The following CDH12 variants were observed in gnomAD, a reference collection of about 807,000 sequenced individuals.
CDH12 encodes the protein cadherin-12.
CDH12 carries 41 observed loss-of-function variants against 74.1 expected under a neutral mutation model. The ratio of observed to expected loss-of-function variants is 0.55; its 90% CI spans 0.43 to 0.72. The LOEUF is 0.72. CDH12 is among the 30% of genes least tolerant of loss of function. CDH12 has a pLI of 0.00. For missense variants in CDH12, 945 were observed against 977.2 expected (o/e 0.97, Z 0.44); for synonymous variants, 399 against 355.0 (o/e 1.12, Z -1.39).
chr5:22,756,831 A>G (rs1414420538), intron 1 of CDH12, among the ~76,000 whole-genome samples: 2 of 151,992 alleles, frequency 1.3e-5, no homozygotes, highest in Non-Finnish European at 2.9e-5. Flanking sequence ...GTGGTGGCAG[A>G]TGCCTGTAAT....
intron 4 of CDH12, among the ~76,000 whole-genome samples, chr5:22,154,504 T>C (rs1366956055): frequency 4.8e-4 from 3 of 6,246 alleles, no homozygotes; most frequent in South Asian, 9.7e-3. Flanking sequence ...TATGTACACA[T>C]ATATATGTAC....
chr5:22,697,416 G>C (rs1306607669), intron 1 of CDH12, among the ~76,000 whole-genome samples: 2 of 151,696 alleles, frequency 1.3e-5, no homozygotes, highest in Non-Finnish European at 2.9e-5. Flanking sequence ...CTAAAAAATA[G>C]AAAAAATTAG....
chr5:22,023,267 T>C (rs1738107587), intron 5 of CDH12, among the ~76,000 whole-genome samples: 1 of 152,154 alleles, frequency 6.6e-6, no homozygotes, highest in Non-Finnish European at 1.5e-5. Context: ...CTCACACTAA[T>C]GAACTCTGCA....
intron 5 of CDH12, among the ~76,000 whole-genome samples, chr5:22,074,028 T>C (rs887952428): frequency 1.3e-5 from 2 of 152,176 alleles, no homozygotes. Context: ...GTTTACTTTA[T>C]GTGGATTTTC....
At chr5:22,830,725 T>A (rs1259866989) in intron 1 of CDH12, among the ~76,000 whole-genome samples, 1 of 151,736 alleles carries the variant, frequency 6.6e-6, no homozygotes, top group Non-Finnish European at 1.5e-5. Context: ...TAAAACATCA[T>A]CAAATTTGAT....
At chr5:22,352,679 T>TCTG (rs1561336747) in intron 3 of CDH12, among the ~76,000 whole-genome samples, 1 of 152,166 alleles carries the variant, frequency 6.6e-6, no homozygotes, top group Non-Finnish European at 1.5e-5. Flanking sequence ...CAGTTTGCCA[T>TCTG]CTGCTTCTCT....
chr5:22,282,702 C>T (rs1027371946), intron 3 of CDH12, among the ~76,000 whole-genome samples: 3 of 152,086 alleles, frequency 2.0e-5, no homozygotes, highest in African/African-American at 7.2e-5. Flanking sequence ...TACAGTCTCA[C>T]ACCAGTTAGA....
At chr5:22,676,988 C>T (rs1741225752) in intron 1 of CDH12, among the ~76,000 whole-genome samples, 1 of 152,098 alleles carries the variant, frequency 6.6e-6, no homozygotes, top group Non-Finnish European at 1.5e-5. Flanking sequence ...ATCAATATAT[C>T]TTAGTTTCTT....
chr5:22,458,175 G>A (rs561278259), intron 2 of CDH12, among the ~76,000 whole-genome samples: 166 of 152,188 alleles, frequency 1.1e-3, no homozygotes, highest in Non-Finnish European at 1.7e-3. Context: ...CCACCACGCC[G>A]GGGCTCCTTG....
intron 1 of CDH12, among the ~76,000 whole-genome samples, chr5:22,675,882 T>C (rs1741154393): frequency 6.9e-6 from 1 of 144,548 alleles, no homozygotes; most frequent in East Asian, 2.0e-4. Flanking sequence ...TATATATATA[T>C]ATATACTTTT....
chr5:22,172,091 A>G (rs1029617994), intron 4 of CDH12, among the ~76,000 whole-genome samples: 1 of 151,924 alleles, frequency 6.6e-6, no homozygotes, highest in African/African-American at 2.4e-5. Flanking sequence ...AATTACAGAA[A>G]TGCTATGTGA....
chr5:22,209,236 C>G (rs1751396215), intron 4 of CDH12, among the ~76,000 whole-genome samples: 1 of 152,114 alleles, frequency 6.6e-6, no homozygotes, highest in Non-Finnish European at 1.5e-5. Flanking sequence ...AGGATTAGAT[C>G]AAATATTAAT....
At chr5:21,770,870 C>T (rs1200312930) in intron 11 of CDH12, among the ~76,000 whole-genome samples, 1 of 152,068 alleles carries the variant, frequency 6.6e-6, no homozygotes, top group Non-Finnish European at 1.5e-5. Context: ...TAATGGAATA[C>T]TATGGGGCCA....
intron 1 of CDH12, among the ~76,000 whole-genome samples, chr5:22,822,766 C>A (rs962787514): frequency 1.3e-5 from 2 of 152,120 alleles, no homozygotes; most frequent in African/African-American, 2.4e-5. Flanking sequence ...GAAATAGGAA[C>A]ACTTTTACAC....
At chr5:21,900,352 C>T (rs147665941) in intron 6 of CDH12, among the ~76,000 whole-genome samples, 6 of 152,210 alleles carry the variant, frequency 3.9e-5, no homozygotes, top group African/African-American at 9.6e-5. Flanking sequence ...ATTATTCTAA[C>T]GATAACCAGT....
intron 8 of CDH12, among the ~76,000 whole-genome samples, chr5:21,840,174 A>T (rs1441517710): frequency 2.6e-5 from 4 of 152,186 alleles, no homozygotes; most frequent in African/African-American, 9.7e-5. Context: ...TTCTAATGTT[A>T]ATTATATGAC....
intron 1 of CDH12, among the ~76,000 whole-genome samples, chr5:22,636,040 T>G (rs1157516993): frequency 6.6e-6 from 1 of 152,048 alleles, no homozygotes; most frequent in Non-Finnish European, 1.5e-5. Context: ...ATAATGTTAG[T>G]AGACATTTAT....
At position 22,156,493 on chromosome 5, in the gene CDH12, G is replaced by A. The variant is rs193074796; in HGVS notation, c.-187+56005C>T. 5.1e-3 allele frequency among the ~76,000 whole-genome samples: 777 copies of A among 151,882 alleles called. 9 individuals carry two copies. The highest frequency in any genetic ancestry group is 0.017 in the African/African-American group (720 of 41,418). ...TCATTTTAATACTTTATGTAAAATC[G>A]TATATACATATACTTAAAGAAAAAT... On this transcript the variant is annotated intron_variant, in intron 4 of 14. Coordinates refer to ENST00000382254, the MANE Select transcript of CDH12 (RefSeq NM_004061.5).
intron 1 of CDH12, among the ~76,000 whole-genome samples, chr5:22,539,905 T>C (rs1168864760): frequency 6.6e-6 from 1 of 152,214 alleles, no homozygotes; most frequent in Non-Finnish European, 1.5e-5. Flanking sequence ...CTTGATCATA[T>C]TGCTTGCCTT....
Sources: gnomAD v4.1 joint callset for allele counts (sites outside exome capture counted in the v4.1 genomes callset) on GRCh38, gnomAD v4.1.1 for gene constraint, MANE v1.5 for transcripts, NCBI Gene and HGNC (gene_info 2026-07-23, HGNC 2026-07-21) for gene names.